Variants in PIGL observed in about 807,000 individuals in gnomAD.
PIGL encodes the protein N-acetylglucosaminyl-phosphatidylinositol de-N-acetylase.
Under a neutral mutation model 31.1 loss-of-function variants are expected in PIGL, and 22 were observed. That is an observed-to-expected ratio of 0.71 (90% CI 0.51 to 1.01). The LOEUF is 1.01. Ranked by LOEUF, PIGL falls within the 50% of genes least tolerant of loss-of-function variation. The pLI is 0.00. For missense variants in PIGL, 302 were observed against 315.9 expected (o/e 0.96, Z 0.33); for synonymous variants, 131 against 117.4 (o/e 1.12, Z -0.75).
intron 5 of PIGL, chr17:16,317,000 G>T (rs1179261774): frequency 8.4e-7 from 1 of 1,196,738 alleles, no homozygotes; most frequent in Non-Finnish European, 1.1e-6. Flanking sequence ...TATTCTTCCA[G>T]TCTGAACTCA....
At chr17:16,247,369 G>C (rs1057373915) in intron 2 of PIGL, among the ~76,000 whole-genome samples, 1 of 152,056 alleles carries the variant, frequency 6.6e-6, no homozygotes, top group South Asian at 2.1e-4. Context: ...GCATTAACTC[G>C]AAAGTCCAAA....
At chr17:16,219,204 C>T (rs181343609) in intron 1 of PIGL, among the ~76,000 whole-genome samples, 2 of 151,854 alleles carry the variant, frequency 1.3e-5, no homozygotes, top group East Asian at 3.9e-4. Context: ...CCGCCCGCCA[C>T]CATGCCCAGC....
chr17:16,230,713 G>A (rs1197030212), intron 1 of PIGL, among the ~76,000 whole-genome samples: 1 of 151,726 alleles, frequency 6.6e-6, no homozygotes, highest in Non-Finnish European at 1.5e-5. Context: ...TACTTCCTGG[G>A]TTCAAGCTTT....
At chr17:16,221,751 C>T (rs1470678515) in intron 1 of PIGL, among the ~76,000 whole-genome samples, 7 of 152,162 alleles carry the variant, frequency 4.6e-5, no homozygotes, top group Non-Finnish European at 7.3e-5. Flanking sequence ...TCCCAAGTAG[C>T]TGGGATTACA....
intron 2 of PIGL, among the ~76,000 whole-genome samples, chr17:16,261,316 G>A (rs894269553): frequency 1.3e-5 from 2 of 152,118 alleles, no homozygotes; most frequent in African/African-American, 4.8e-5. Context: ...GGCATCACTG[G>A]CCACAGAGGT....
chr17:16,299,475 A>C (rs1247867106), intron 2 of PIGL, among the ~76,000 whole-genome samples: 1 of 152,042 alleles, frequency 6.6e-6, no homozygotes, highest in Non-Finnish European at 1.5e-5. Flanking sequence ...AACAAAAAAA[A>C]CCTCTGTCAA....
chr17:16,309,362 G>T (rs908006557), intron 3 of PIGL, among the ~76,000 whole-genome samples: 3 of 151,842 alleles, frequency 2.0e-5, no homozygotes, highest in Non-Finnish European at 4.4e-5. Flanking sequence ...GAGCATAAAA[G>T]CAGTTTGAAA....
chr17:16,233,633 G>A (rs1425948938), intron 1 of PIGL, among the ~76,000 whole-genome samples: 4 of 152,104 alleles, frequency 2.6e-5, no homozygotes, highest in East Asian at 1.9e-4. Context: ...CTGAGTGGTC[G>A]TACATGGTGT....
At chr17:16,241,114 CAAAAAAAAAAAA>C (rs35578509) in intron 2 of PIGL, among the ~76,000 whole-genome samples, 15 of 52,996 alleles carry the variant, frequency 2.8e-4, no homozygotes, top group African/African-American at 8.1e-4. Context: ...AACTCCCTCT[CAAAAAAAAAAAA>C]AAAAAAAAAA....
intron 2 of PIGL, among the ~76,000 whole-genome samples, chr17:16,259,281 GAAA>G (rs200555325): frequency 7.3e-6 from 1 of 137,362 alleles, no homozygotes; most frequent in Non-Finnish European, 1.6e-5. Flanking sequence ...GACTTTGCAG[GAAA>G]AAAAAAAAAA....
intron 1 of PIGL, 168 bp downstream of exon 1, chr17:16,217,629 A>AAG: frequency 3.7e-6 from 2 of 547,590 alleles, no homozygotes; most frequent in South Asian, 5.7e-5. Flanking sequence ...CGGCCGGCTT[A>AAG]CCTGGTGGGT....
chr17:16,255,993 G>T (rs1012981251), intron 2 of PIGL, among the ~76,000 whole-genome samples: 1 of 152,084 alleles, frequency 6.6e-6, no homozygotes, highest in Non-Finnish European at 1.5e-5. Context: ...AAGGGAGACT[G>T]AGCCTTCAAG....
At chr17:16,285,066 C>A (rs950013819) in intron 2 of PIGL, among the ~76,000 whole-genome samples, 1 of 151,188 alleles carries the variant, frequency 6.6e-6, no homozygotes, top group Non-Finnish European at 1.5e-5. Context: ...AGCCCTCCCA[C>A]CACCTCAGCC....
chr17:16,234,809 G>A (rs1600754688), intron 2 of PIGL, among the ~76,000 whole-genome samples: 2 of 152,322 alleles, frequency 1.3e-5, no homozygotes, highest in Non-Finnish European at 1.5e-5. Flanking sequence ...TTAAATGACA[G>A]CGTGATTGAA....
intron 2 of PIGL, among the ~76,000 whole-genome samples, chr17:16,278,051 C>G (rs1466397462): frequency 6.6e-6 from 1 of 150,628 alleles, no homozygotes; most frequent in Admixed American, 6.6e-5. Flanking sequence ...TGATGTCAAA[C>G]TCAATTCTTT....
At chr17:16,320,074 C>G (rs958464893) in intron 6 of PIGL, among the ~76,000 whole-genome samples, 4 of 148,646 alleles carry the variant, frequency 2.7e-5, no homozygotes, top group Non-Finnish European at 5.9e-5. Flanking sequence ...TGGCTTGAGC[C>G]CAGGAGTTTG....
chr17:16,242,117 G>A (rs950056299), intron 2 of PIGL, among the ~76,000 whole-genome samples: 1 of 151,986 alleles, frequency 6.6e-6, no homozygotes, highest in Non-Finnish European at 1.5e-5. Context: ...GCAATGACAT[G>A]ATCCTGTCTC....
chr17:16,320,280 G>A (rs2093098766), intron 6 of PIGL, among the ~76,000 whole-genome samples: 1 of 117,434 alleles, frequency 8.5e-6, no homozygotes, highest in Non-Finnish European at 1.8e-5. Context: ...GGAGAGGGGA[G>A]GGGAGGGAGG....
At chr17:16,233,825 GTGT>G (rs1159207004) in intron 1 of PIGL, 143 bp from the exon 2 acceptor site, 1 of 569,362 alleles carries the variant, frequency 1.8e-6, no homozygotes, top group African/African-American at 1.9e-5. Context: ...TCTTGGTGTC[GTGT>G]TTTCTTAAAC....
Sources: allele counts gnomAD v4.1 joint callset (sites outside exome capture counted in the v4.1 genomes callset), GRCh38; gene constraint gnomAD v4.1.1; transcripts MANE v1.5; gene names NCBI Gene and HGNC (gene_info 2026-07-23, HGNC 2026-07-21).